Variants in ASXL3 observed in about 807,000 individuals in gnomAD.
ASXL3 encodes the protein ASXL transcriptional regulator 3, also known as putative Polycomb group protein ASXL3.
ASXL3 carries 34 observed loss-of-function variants against 170.6 expected under a neutral mutation model. The ratio of observed to expected loss-of-function variants is 0.20; its 90% CI spans 0.15 to 0.27. ASXL3 has a LOEUF of 0.27. Ranked by LOEUF, ASXL3 falls within the 10% of genes least tolerant of loss-of-function variation. ASXL3 has a pLI of 1.00. For missense variants in ASXL3, 2,592 were observed against 2,695.3 expected (o/e 0.96, Z 0.85); for synonymous variants, 1,002 against 989.1 (o/e 1.01, Z -0.24).
chr18:33,591,719 G>T (rs1326743815), intron 1 of ASXL3, among the ~76,000 whole-genome samples: 6 of 150,502 alleles, frequency 4.0e-5, no homozygotes, highest in Non-Finnish European at 2.9e-5. Context: ...TCGGCTCACT[G>T]CAAGCTCTGC....
At chr18:33,725,428 C>T (rs2067333498) in intron 8 of ASXL3, among the ~76,000 whole-genome samples, 2 of 152,110 alleles carry the variant, frequency 1.3e-5, no homozygotes, top group South Asian at 4.1e-4. Context: ...TTTCTTCCTA[C>T]CTCTTTCTAC....
intron 8 of ASXL3, among the ~76,000 whole-genome samples, chr18:33,692,501 C>G (rs2066702299): frequency 6.6e-6 from 1 of 152,148 alleles, no homozygotes; most frequent in South Asian, 2.1e-4. Context: ...TCTCATCCAC[C>G]AGGGCTCAAA....
At chr18:33,733,075 C>T (rs935416627) in intron 9 of ASXL3, among the ~76,000 whole-genome samples, 1 of 152,116 alleles carries the variant, frequency 6.6e-6, no homozygotes, top group African/African-American at 2.4e-5. Context: ...TCCTATTCTT[C>T]CATCTGATGC....
chr18:33,742,908 G>A lies in ASXL3; in HGVS notation c.3060G>A (p.Gly1020=). The A allele has an allele frequency of 1.3e-6, 2 of 1,589,556 alleles. No homozygotes were observed. Among genetic ancestry groups the A allele is most frequent in the Non-Finnish European group, 1.7e-6 (2 of 1,171,124 alleles). ...TTTAGATTCAGCTTTCCAAAATTGG[G>A]CCACCTTTTATAATCAAGAGCCAAC... The part of the protein sequence containing the change: ...PPLKIQLSKI[G]PPFIIKSQPV... The change falls in exon 12 of 12, where the codon GGG becomes GGA. Residue 1020 remains glycine, a synonymous_variant. Transcript: ENST00000269197.
chr18:33,619,404 C>T (rs983994483), intron 2 of ASXL3, among the ~76,000 whole-genome samples: 1 of 150,966 alleles, frequency 6.6e-6, no homozygotes, highest in African/African-American at 2.4e-5. Context: ...TATGTTGAAA[C>T]TCTTTCAGTT....
At chr18:33,709,920 C>A (rs917518934) in intron 8 of ASXL3, among the ~76,000 whole-genome samples, 12 of 152,194 alleles carry the variant, frequency 7.9e-5, no homozygotes, top group Non-Finnish European at 1.3e-4. Context: ...CCCACCATGA[C>A]CCCTAGCTCC....
intron 4 of ASXL3, among the ~76,000 whole-genome samples, chr18:33,661,359 A>G (rs2066171058): frequency 6.6e-6 from 1 of 152,112 alleles, no homozygotes; most frequent in African/African-American, 2.4e-5. Context: ...ATGTCCATAC[A>G]ATAGCTCAAT....
At chr18:33,712,546 G>T (rs1187060559) in intron 8 of ASXL3, among the ~76,000 whole-genome samples, 2 of 152,142 alleles carry the variant, frequency 1.3e-5, no homozygotes, top group Non-Finnish European at 2.9e-5. Flanking sequence ...GAGTGTTCTT[G>T]TGATTGTTCT....
intron 5 of ASXL3, among the ~76,000 whole-genome samples, chr18:33,665,228 T>C (rs2145241353): frequency 6.6e-6 from 1 of 152,290 alleles, no homozygotes; most frequent in East Asian, 1.9e-4. Flanking sequence ...TTGTGTTGGT[T>C]TATTTGACTT....
chr18:33,657,377 T>G (rs763773858), intron 4 of ASXL3, among the ~76,000 whole-genome samples: 6 of 152,004 alleles, frequency 3.9e-5, no homozygotes, highest in African/African-American at 7.2e-5. Context: ...ACAAGAGAGA[T>G]AGATCAAGTT....
chr18:33,663,891 G>C (rs2066216699), intron 5 of ASXL3, among the ~76,000 whole-genome samples: 1 of 151,940 alleles, frequency 6.6e-6, no homozygotes, highest in Non-Finnish European at 1.5e-5. Context: ...TTGGATAGCT[G>C]AATGGCTATG....
At chr18:33,728,614 A>T (rs993823965) in intron 8 of ASXL3, among the ~76,000 whole-genome samples, 2 of 152,102 alleles carry the variant, frequency 1.3e-5, no homozygotes, top group African/African-American at 4.8e-5. Context: ...CCATCATTTC[A>T]TCCACCCCCA....
chr18:33,631,730 C>T lies in ASXL3; in HGVS notation c.138-13164C>T, dbSNP rs1398818803. 2.6e-5 allele frequency among the ~76,000 whole-genome samples: 4 copies of T among 152,032 alleles called. No individual in the cohort carries two copies. The East Asian group carries it at 7.7e-4, about 29-fold the overall frequency. ...TTAAGAAAACACTGACACCTCAGCC[C>T]CATCCAGATATTTTTACTTAATAAG... On this transcript the variant is annotated intron_variant, in intron 2 of 11. Transcript: ENST00000269197.
At position 33,664,244 on chromosome 18, in the gene ASXL3, G is replaced by A. The variant is rs562618119; in HGVS notation, c.477+2507G>A. Among the ~76,000 whole-genome samples, 817 of 152,280 alleles carry A rather than the reference G, an allele frequency of 5.4e-3. 5 individuals are homozygous for A. Among genetic ancestry groups the A allele is most frequent in the Non-Finnish European group, 9.1e-3 (620 of 68,004 alleles). ...CACCCAGCAAGTAAATCTTAGAGAT[G>A]ATGTTTGAATCCAGAACCGTAGTTT... is the stretch of plus-strand genomic sequence containing the variant. On this transcript the variant is annotated intron_variant, in intron 5 of 11. Transcript: ENST00000269197.
chr18:33,693,834 G>A (rs141477427), intron 8 of ASXL3, among the ~76,000 whole-genome samples: 5 of 152,274 alleles, frequency 3.3e-5, no homozygotes, highest in Admixed American at 6.5e-5. Flanking sequence ...TGGATTTTAG[G>A]AGACTTGTAA....
In ASXL3 at chr18:33,728,093, C is replaced by A. The variant is rs548837138; in HGVS notation, c.880-3875C>A. On this transcript the variant is annotated intron_variant, in intron 8 of 11. Transcript: ENST00000269197. ...ATTTTAATTACTAACTAATCATGCCCCTGGCTTGGTAGGATATATGGAACT... is the reference window on the plus strand; with the variant it reads ...ATTTTAATTACTAACTAATCATGCCACTGGCTTGGTAGGATATATGGAACT... 8.5e-4 allele frequency among the ~76,000 whole-genome samples: 129 copies of A among 152,174 alleles called. 1 individual carries two copies. The highest frequency in any genetic ancestry group is 3.1e-3 in the African/African-American group (127 of 41,524).
chr18:33,736,890 G>A (rs899280487), intron 10 of ASXL3, among the ~76,000 whole-genome samples: 1 of 152,046 alleles, frequency 6.6e-6, no homozygotes, highest in African/African-American at 2.4e-5. Flanking sequence ...ATACAGTGCT[G>A]TTGTACATAT....
chr18:33,727,267 A>G (rs569586981), intron 8 of ASXL3, among the ~76,000 whole-genome samples: 1 of 152,128 alleles, frequency 6.6e-6, no homozygotes, highest in Non-Finnish European at 1.5e-5. Context: ...ATCACTTGTA[A>G]GAAACACAAA....
chr18:33,588,394 T>C (rs1458831498), intron 1 of ASXL3, among the ~76,000 whole-genome samples: 1 of 150,894 alleles, frequency 6.6e-6, no homozygotes, highest in Non-Finnish European at 1.5e-5. Flanking sequence ...AAGTATTTCA[T>C]ATAATCAAAA....
Sources: gnomAD v4.1 joint callset for allele counts (sites outside exome capture counted in the v4.1 genomes callset) on GRCh38, gnomAD v4.1.1 for gene constraint, MANE v1.5 for transcripts, NCBI Gene and HGNC (gene_info 2026-07-23, HGNC 2026-07-21) for gene names.